Variants in COPG2 observed in about 807,000 individuals in gnomAD.
The protein encoded by COPG2 is coat protein complex I subunit gamma 2.
A neutral mutation model predicts 46.3 loss-of-function variants in COPG2; 37 were observed. The observed-to-expected ratio is 0.80, with a 90% CI of 0.61 to 1.05. The LOEUF (loss-of-function observed/expected upper bound fraction) is 1.05. Among genes scored for constraint, COPG2 ranks in the 50% least tolerant of loss-of-function variants. The pLI is 0.00. For synonymous variants in COPG2, 159 were observed against 129.7 expected (o/e 1.23, Z -1.53); for missense variants, 427 against 387.8 (o/e 1.10, Z -0.85).
chr7:130,546,250 A>G (rs1334772486), intron 20 of COPG2, among the ~76,000 whole-genome samples: 2 of 152,230 alleles, frequency 1.3e-5, no homozygotes, highest in African/African-American at 4.8e-5. Context: ...ACAGGACTAC[A>G]TTAAGATTGG....
intron 20 of COPG2, among the ~76,000 whole-genome samples, chr7:130,519,925 C>A (rs1799711616): frequency 1.3e-5 from 2 of 152,172 alleles, no homozygotes; most frequent in African/African-American, 4.8e-5. Flanking sequence ...CACTTGAAGT[C>A]TTAGTGGGAA....
chr7:130,636,598 T>C (rs1405481347), intron 5 of COPG2, among the ~76,000 whole-genome samples: 1 of 151,756 alleles, frequency 6.6e-6, no homozygotes, highest in Non-Finnish European at 1.5e-5. Context: ...CATCCCTTTA[T>C]TTTAAGCCTA....
intron 9 of COPG2, among the ~76,000 whole-genome samples, chr7:130,564,780 C>T (rs892306902): frequency 1.3e-5 from 2 of 152,170 alleles, no homozygotes; most frequent in Non-Finnish European, 2.9e-5. Context: ...AGCCTAGCTA[C>T]AAAAGCAGCT....
intron 5 of COPG2, among the ~76,000 whole-genome samples, chr7:130,626,579 G>A (rs566309356): frequency 2.0e-5 from 3 of 152,006 alleles, no homozygotes; most frequent in African/African-American, 4.8e-5. Flanking sequence ...AAGAGAGAGC[G>A]CTCCTGAACG....
At chr7:130,515,167 T>C (rs1584961019) in intron 20 of COPG2, among the ~76,000 whole-genome samples, 2 of 152,304 alleles carry the variant, frequency 1.3e-5, no homozygotes. Context: ...CTCACATTGC[T>C]ATAAAGAAAT....
rs549188925 is a variant in COPG2, at chr7:130,630,650, A to G, written c.324-13585T>C. Reference sequence around the variant, plus strand: ...CAATTTTTGTTTCAAGCACTGTGAAACTCTGTTATTAGCTCCATAAACAAT... The same window carrying G: ...CAATTTTTGTTTCAAGCACTGTGAAGCTCTGTTATTAGCTCCATAAACAAT... On this transcript the variant is annotated intron_variant, in intron 5 of 23. Transcript: ENST00000425248. Among the ~76,000 whole-genome samples the G allele has an allele frequency of 2.0e-5, 3 of 151,884 alleles. No homozygotes were observed. The East Asian group carries it at 5.8e-4, about 29-fold the overall frequency.
At chr7:130,510,772 G>A (rs1000119418) in intron 20 of COPG2, among the ~76,000 whole-genome samples, 1 of 152,172 alleles carries the variant, frequency 6.6e-6, no homozygotes. Flanking sequence ...AGAGGTTACA[G>A]GGATCTAAGG....
In COPG2 at chr7:130,662,942, G is replaced by GT. The variant is rs1563074656; in HGVS notation, c.243+24dup. The GT allele has an allele frequency of 2.8e-6, 4 of 1,418,518 alleles. No individual in the cohort carries two copies. The South Asian group carries it at 5.1e-5, about 18-fold the overall frequency. The allele number at this position is 1,418,518 out of a possible 1,614,324, so 87.9% of individuals were successfully genotyped here. On this transcript the variant is annotated intron_variant, in intron 4 of 23. Coordinates refer to ENST00000425248, the MANE Select transcript of COPG2 (RefSeq NM_012133.6). The stretch of plus-strand genomic sequence containing the variant: ...AATAAATAAAAGGAGGTTTTTCATC[G>GT]TAAAAAAAATTTAAAAAGACTTACA...
chr7:130,570,976 C>T (rs1239518804), intron 9 of COPG2, among the ~76,000 whole-genome samples: 5 of 152,206 alleles, frequency 3.3e-5, no homozygotes, highest in African/African-American at 1.2e-4. Flanking sequence ...ACAAATGATG[C>T]TGGGCTAATT....
chr7:130,667,394 G>T, intron 2 of COPG2, 88 bp downstream of exon 2: 1 of 1,027,460 alleles, frequency 9.7e-7, no homozygotes, highest in Non-Finnish European at 1.5e-6. Flanking sequence ...TGTTTTGCAT[G>T]TCGTGATCAC....
intron 5 of COPG2, among the ~76,000 whole-genome samples, chr7:130,629,599 T>C (rs1161409642): frequency 6.6e-6 from 1 of 152,046 alleles, no homozygotes; most frequent in Non-Finnish European, 1.5e-5. Flanking sequence ...TTTTGCCAAG[T>C]TGGCCAGGCT....
chr7:130,626,402 T>G (rs951714803), intron 5 of COPG2, among the ~76,000 whole-genome samples: 2 of 9,786 alleles, frequency 2.0e-4, no homozygotes, highest in Non-Finnish European at 5.2e-4. Flanking sequence ...CCAGGCTAAT[T>G]TTTTTTTTTT....
chr7:130,551,448 C>A, intron 15 of COPG2, 104 bp from the exon 16 acceptor site: 2 of 393,612 alleles, frequency 5.1e-6, no homozygotes, highest in Non-Finnish European at 9.0e-6. Flanking sequence ...TCTGATACTA[C>A]CTTTAAAAAA....
chr7:130,534,551 T>C (rs1799860577), intron 20 of COPG2, among the ~76,000 whole-genome samples: 2 of 151,880 alleles, frequency 1.3e-5, no homozygotes, highest in African/African-American at 4.8e-5. Flanking sequence ...ATAGGATTAG[T>C]GGGAAAAGTA....
chr7:130,525,640 T>C (rs1276835571), intron 20 of COPG2, among the ~76,000 whole-genome samples: 1 of 152,154 alleles, frequency 6.6e-6, no homozygotes, highest in East Asian at 1.9e-4. Context: ...GATAGAGATA[T>C]AGCTTACAGC....
intron 5 of COPG2, chr7:130,645,266 T>C (rs1795572233): frequency 3.0e-6 from 2 of 658,102 alleles, no homozygotes; most frequent in Admixed American, 1.8e-5. Flanking sequence ...CAAAGAGATA[T>C]TACCTGGGGG....
chr7:130,543,057 A>C (rs1793369584), intron 20 of COPG2, among the ~76,000 whole-genome samples: 1 of 152,206 alleles, frequency 6.6e-6, no homozygotes, highest in East Asian at 1.9e-4. Flanking sequence ...AAGAAACCTT[A>C]TAGAGGGTGA....
Position 130,547,691 on chromosome 7 carries a change from T to C in COPG2, c.2132A>G (p.Asp711Gly), listed in dbSNP as rs1793467627. 4 of 398,490 alleles carry C rather than the reference T, an allele frequency of 1.0e-5. No individual in the cohort carries two copies. In the Admixed American group the frequency reaches 1.8e-4, roughly 18 times the overall value. 24.7% of individuals were successfully genotyped at this position (398,490 alleles called of 1,614,324 possible). ...GICYTLVRLP[D>G]DDPTAVAGSF... ...GTTAGTACCTGCTGTAGGGTCATCA[T>C]CAGGCAAACGAACAAGAGTGTAACA... The change falls in exon 20 of 24, where the codon GAT becomes GGT. Residue 711 changes from aspartate to glycine, a missense_variant. Asp to Gly is a moderately conservative substitution (Grantham distance 94). Coordinates refer to ENST00000425248, the MANE Select transcript of COPG2 (RefSeq NM_012133.6).
chr7:130,511,903 C>T (rs1554441068), intron 20 of COPG2: 4 of 506,744 alleles, frequency 7.9e-6, no homozygotes, highest in South Asian at 4.4e-5. Flanking sequence ...AAGTTATAAA[C>T]TGATGAATGC....
Sources: allele counts gnomAD v4.1 joint callset (sites outside exome capture counted in the v4.1 genomes callset), GRCh38; gene constraint gnomAD v4.1.1; transcripts MANE v1.5; gene names NCBI Gene and HGNC (gene_info 2026-07-23, HGNC 2026-07-21).